Variants in DAPK2 observed in about 807,000 individuals in gnomAD.
The protein encoded by DAPK2 is death associated protein kinase 2, also known as death-associated protein kinase 2.
Under a neutral mutation model 44.1 loss-of-function variants are expected in DAPK2, and 35 were observed. The observed-to-expected ratio is 0.79, with a 90% CI of 0.61 to 1.05. The LOEUF is 1.05. Among genes scored for constraint, DAPK2 ranks in the 50% least tolerant of loss-of-function variants. The pLI is 0.00. For missense variants in DAPK2, 453 were observed against 483.2 expected, an observed-to-expected ratio of 0.94 and a Z score of 0.59; for synonymous variants, 174 against 182.6, an observed-to-expected ratio of 0.95 and a Z score of 0.38.
chr15:63,996,229 T>C (rs771960503), intron 1 of DAPK2, among the ~76,000 whole-genome samples: 6 of 151,814 alleles, frequency 4.0e-5, no homozygotes, highest in Non-Finnish European at 7.4e-5. Flanking sequence ...AGGCCAGGAG[T>C]TGAAGACCAG....
intron 3 of DAPK2, among the ~76,000 whole-genome samples, chr15:63,942,926 C>G (rs1328732034): frequency 6.6e-6 from 1 of 152,102 alleles, no homozygotes; most frequent in East Asian, 1.9e-4. Flanking sequence ...TTCCTGTCAT[C>G]TCCCCAGAGG....
intron 1 of DAPK2, among the ~76,000 whole-genome samples, chr15:64,018,025 C>G (rs2079578411): frequency 1.3e-5 from 2 of 152,186 alleles, no homozygotes; most frequent in Admixed American, 1.3e-4. Context: ...TACTGCTGGG[C>G]TTCAATCAAC....
intron 1 of DAPK2, among the ~76,000 whole-genome samples, chr15:64,017,976 A>G (rs1323617521): frequency 6.6e-6 from 1 of 151,960 alleles, no homozygotes; most frequent in Non-Finnish European, 1.5e-5. Flanking sequence ...TCAAGGCACG[A>G]CTCTAGAGAA....
intron 1 of DAPK2, among the ~76,000 whole-genome samples, chr15:64,030,237 G>A (rs906772592): frequency 8.5e-5 from 13 of 152,114 alleles, no homozygotes; most frequent in African/African-American, 2.9e-4. Context: ...GCAGTGAGTC[G>A]AGATGACGCC....
At chr15:63,972,484 GATGGA>G (rs2078240128) in intron 2 of DAPK2, among the ~76,000 whole-genome samples, 1 of 152,234 alleles carries the variant, frequency 6.6e-6, no homozygotes, top group Non-Finnish European at 1.5e-5. Flanking sequence ...TAGAAATACA[GATGGA>G]AAGGCCATTC....
chr15:63,922,269 T>C, intron 8 of DAPK2: 1 of 988,316 alleles, frequency 1.0e-6, no homozygotes, highest in South Asian at 4.6e-5. Flanking sequence ...GCAATATTAT[T>C]TTCTCTATGC....
At position 63,912,325 on chromosome 15, in the gene DAPK2, G is replaced by A. The variant is rs1454582787; in HGVS notation, c.859-128C>T. ...CTTGACCCTGGCATCTCCCCGCCAG[G>A]TGGGGCACACCGTGGGAGCATCACA... On this transcript the variant is annotated intron_variant, in intron 8 of 10. Coordinates refer to ENST00000261891, the Ensembl canonical transcript of DAPK2. This position sits in a 1 kb window ranked among gnomAD's most constrained non-coding sequence, Gnocchi z 4.4. 2 of 822,238 alleles carry A rather than the reference G, an allele frequency of 2.4e-6. No individual in the cohort carries two copies. The highest frequency in any genetic ancestry group is 4.1e-5 in the Admixed American group (2 of 48,254). The allele number at this position is 822,238 out of a possible 1,614,324, so 50.9% of individuals were successfully genotyped here. A position where few individuals can be genotyped will look rare whatever the true frequency, so the allele number is the denominator to read the frequency against.
chr15:63,995,168 T>A (rs1053551105), intron 1 of DAPK2, among the ~76,000 whole-genome samples: 60 of 152,114 alleles, frequency 3.9e-4, no homozygotes, highest in African/African-American at 1.3e-3. Context: ...TCTGCATACA[T>A]CCCTGGTTGT....
chr15:63,988,505 T>TC (rs2078725203), intron 1 of DAPK2, among the ~76,000 whole-genome samples: 2 of 149,886 alleles, frequency 1.3e-5, no homozygotes, highest in Non-Finnish European at 3.0e-5. Context: ...ATCCAGCTTT[T>TC]CCTTTTTTTT....
At chr15:63,957,842 C>T (rs928612400) in intron 3 of DAPK2, among the ~76,000 whole-genome samples, 7 of 152,082 alleles carry the variant, frequency 4.6e-5, no homozygotes, top group Non-Finnish European at 7.4e-5. Context: ...TTTATAGCAG[C>T]ATGATTTATA....
chr15:64,027,963 G>T (rs2079898498), intron 1 of DAPK2, among the ~76,000 whole-genome samples: 1 of 152,164 alleles, frequency 6.6e-6, no homozygotes, highest in Non-Finnish European at 1.5e-5. Flanking sequence ...AGAAACAACA[G>T]GGGAAAGTTA....
chr15:63,991,784 C>T (rs528193056), intron 1 of DAPK2, among the ~76,000 whole-genome samples: 1 of 152,228 alleles, frequency 6.6e-6, no homozygotes, highest in South Asian at 2.1e-4. Flanking sequence ...ATTATCTAGT[C>T]TTTTAGGAAG....
At chr15:64,002,042 T>C (rs1320898918) in intron 1 of DAPK2, among the ~76,000 whole-genome samples, 3 of 152,240 alleles carry the variant, frequency 2.0e-5, no homozygotes, top group African/African-American at 7.2e-5. Context: ...CTTCATGATT[T>C]GCAAAGTAGT....
At chr15:64,031,963 C>T (rs926963275) in intron 1 of DAPK2, among the ~76,000 whole-genome samples, 5 of 152,294 alleles carry the variant, frequency 3.3e-5, no homozygotes, top group East Asian at 1.9e-4. Flanking sequence ...GGGCTGTGAG[C>T]TTGCTTGGCT....
At chr15:63,982,934 C>CA (rs2078563856) in intron 2 of DAPK2, among the ~76,000 whole-genome samples, 2 of 152,254 alleles carry the variant, frequency 1.3e-5, no homozygotes, top group Non-Finnish European at 2.9e-5. Context: ...ACATTTCCCT[C>CA]ATCACAGTCT....
At chr15:63,918,246 AG>A in intron 8 of DAPK2, 1 of 152,384 alleles carries the variant, frequency 6.6e-6, no homozygotes, top group Non-Finnish European at 1.5e-5. Context: ...AAGGGAGGGG[AG>A]GGGGCCCATG....
intron 1 of DAPK2, among the ~76,000 whole-genome samples, chr15:64,017,396 C>T (rs2079559690): frequency 6.6e-6 from 1 of 152,336 alleles, no homozygotes; most frequent in Admixed American, 6.5e-5. Flanking sequence ...AAGCACCACA[C>T]GAAGCCCCAC....
At chr15:63,932,213 C>T (rs1047867169) in intron 4 of DAPK2, among the ~76,000 whole-genome samples, 3 of 148,290 alleles carry the variant, frequency 2.0e-5, no homozygotes, top group Admixed American at 1.4e-4. Context: ...CGCCTGTAAT[C>T]CCAGCACTTT....
upstream of DAPK2, among the ~76,000 whole-genome samples, chr15:64,044,317 C>T (rs1368514974): frequency 6.6e-6 from 1 of 152,160 alleles, no homozygotes. Context: ...CAGGGGGCTA[C>T]CACAGATTTC....
Sources: gnomAD v4.1 joint callset for allele counts (sites outside exome capture counted in the v4.1 genomes callset) on GRCh38, gnomAD v4.1.1 for gene constraint, Gnocchi (gnomAD v3.1) non-coding constraint, MANE v1.5 for transcripts, NCBI Gene and HGNC (gene_info 2026-07-23, HGNC 2026-07-21) for gene names.